Variants in ERBB4 observed in about 807,000 individuals in gnomAD.
ERBB4 encodes the protein erb-b2 receptor tyrosine kinase 4, also known as receptor tyrosine-protein kinase erbB-4.
In ERBB4, 42 loss-of-function variants were observed where a neutral mutation model predicts 158.0. The observed-to-expected ratio is 0.27, with a 90% CI of 0.21 to 0.34. The LOEUF (loss-of-function observed/expected upper bound fraction) is 0.34. ERBB4 is among the 10% of genes least tolerant of loss of function. The pLI, the probability that ERBB4 is intolerant of heterozygous loss-of-function variation, is 1.00. For missense variants in ERBB4, 1,333 were observed against 1,624.1 expected (o/e 0.82, Z 3.08); for synonymous variants, 583 against 558.7 (o/e 1.04, Z -0.61).
At chr2:212,450,462 T>A (rs2092428982) in intron 1 of ERBB4, among the ~76,000 whole-genome samples, 1 of 151,962 alleles carries the variant, frequency 6.6e-6, no homozygotes, top group African/African-American at 2.4e-5. Flanking sequence ...ACTGGAGTGA[T>A]GAGATTGCTG....
At chr2:211,519,783 T>G (rs1007244381) in intron 20 of ERBB4, among the ~76,000 whole-genome samples, 26 of 152,162 alleles carry the variant, frequency 1.7e-4, no homozygotes, top group African/African-American at 6.3e-4. Flanking sequence ...CCACTGTAAA[T>G]ATTTTTATAT....
intron 20 of ERBB4, among the ~76,000 whole-genome samples, chr2:211,488,453 G>A (rs1185151152): frequency 1.3e-5 from 2 of 152,004 alleles, no homozygotes; most frequent in Non-Finnish European, 2.9e-5. Context: ...AAGAATATCT[G>A]GCAGTGGAAA....
At chr2:211,478,787 T>C (rs1392990912) in intron 20 of ERBB4, among the ~76,000 whole-genome samples, 1 of 152,154 alleles carries the variant, frequency 6.6e-6, no homozygotes, top group African/African-American at 2.4e-5. Flanking sequence ...ATTATGTTAC[T>C]ATTTCTCAGA....
chr2:212,250,668 A>G (rs1163288714), intron 1 of ERBB4, among the ~76,000 whole-genome samples: 1 of 151,920 alleles, frequency 6.6e-6, no homozygotes, highest in African/African-American at 2.4e-5. Flanking sequence ...TTATTCTTCC[A>G]TGTTAGACAA....
intron 2 of ERBB4, among the ~76,000 whole-genome samples, chr2:211,997,908 A>ACACACAC (rs1559280420): frequency 2.5e-5 from 1 of 39,962 alleles, no homozygotes; most frequent in Non-Finnish European, 1.3e-4. Context: ...ACACACACAC[A>ACACACAC]TCACACACAC....
intron 2 of ERBB4, among the ~76,000 whole-genome samples, chr2:212,026,947 A>G (rs1039065340): frequency 6.6e-6 from 1 of 151,946 alleles, no homozygotes; most frequent in African/African-American, 2.4e-5. Flanking sequence ...ATAACATACT[A>G]TTTAATAATG....
intron 1 of ERBB4, among the ~76,000 whole-genome samples, chr2:212,315,492 T>C (rs1001277415): frequency 6.6e-6 from 1 of 151,462 alleles, no homozygotes; most frequent in East Asian, 2.0e-4. Context: ...AAAACAGGTA[T>C]ATAGCAACAA....
chr2:212,385,558 C>T (rs1457513565), intron 1 of ERBB4, among the ~76,000 whole-genome samples: 2 of 151,790 alleles, frequency 1.3e-5, no homozygotes, highest in African/African-American at 4.8e-5. Context: ...AGTTTATTTT[C>T]AAAATCAAGT....
chr2:212,001,183 T>C (rs757629984), intron 2 of ERBB4, among the ~76,000 whole-genome samples: 8 of 152,136 alleles, frequency 5.3e-5, no homozygotes, highest in Non-Finnish European at 1.2e-4. Flanking sequence ...ATTAGCATGT[T>C]TCCTTCAGCA....
intron 1 of ERBB4, among the ~76,000 whole-genome samples, chr2:212,249,150 A>G (rs1049275448): frequency 1.3e-5 from 2 of 152,228 alleles, no homozygotes; most frequent in African/African-American, 4.8e-5. Flanking sequence ...GCGATGAAGC[A>G]TAGTAATTAG....
intron 1 of ERBB4, among the ~76,000 whole-genome samples, chr2:212,233,613 A>G (rs959766285): frequency 6.6e-6 from 1 of 152,176 alleles, no homozygotes; most frequent in Admixed American, 6.6e-5. Context: ...ATTTACTTTT[A>G]TTAAACACTC....
Position 211,446,287 on chromosome 2 carries a change from G to A in ERBB4, c.2488-15187C>T, listed in dbSNP as rs552464311. ...AATATAAGATAAAAACCATAACTTTGTAATTGCATCACCTGGCTGGAGTAT... is the reference window on the plus strand; with the variant it reads ...AATATAAGATAAAAACCATAACTTTATAATTGCATCACCTGGCTGGAGTAT... On this transcript the variant is annotated intron_variant, in intron 20 of 27. Coordinates refer to ENST00000342788, the MANE Select transcript of ERBB4 (RefSeq NM_005235.3). Among the ~76,000 whole-genome samples the A allele has an allele frequency of 7.9e-5, 12 of 152,282 alleles. No individual in the cohort carries two copies. In the South Asian group the frequency reaches 2.5e-3, roughly 32 times the overall value.
chr2:212,190,707 G>A lies in ERBB4; in HGVS notation c.83-65804C>T, dbSNP rs779923611. On this transcript the variant is annotated intron_variant, in intron 1 of 27. Coordinates refer to ENST00000342788, the MANE Select transcript of ERBB4 (RefSeq NM_005235.3). The stretch of plus-strand genomic sequence containing the variant: ...ATTCAAACACATAGACCTGAGAGAA[G>A]AAACCCTGTTAATCTATTTCACATC... Among the ~76,000 whole-genome samples the A allele has an allele frequency of 1.6e-4, 25 of 152,098 alleles. 1 individual carries two copies. Among genetic ancestry groups the A allele is most frequent in the Admixed American group, 3.9e-4 (6 of 15,266 alleles).
chr2:211,539,152 T>G (rs948408655), intron 20 of ERBB4, among the ~76,000 whole-genome samples: 1 of 151,950 alleles, frequency 6.6e-6, no homozygotes, highest in Non-Finnish European at 1.5e-5. Context: ...ATAACTTCTA[T>G]CTTCATTCAT....
chr2:211,820,996 G>T (rs1374195892), intron 3 of ERBB4, among the ~76,000 whole-genome samples: 1 of 151,710 alleles, frequency 6.6e-6, no homozygotes, highest in African/African-American at 2.4e-5. Context: ...ATAAAACAAG[G>T]ATGCCCAATA....
At chr2:212,379,823 GTGTGTGTGTC>G (rs953963575) in intron 1 of ERBB4, among the ~76,000 whole-genome samples, 8 of 151,202 alleles carry the variant, frequency 5.3e-5, no homozygotes, top group Non-Finnish European at 1.0e-4. Flanking sequence ...GTGTGTATGT[GTGTGTGTGTC>G]TGTGTGTGTG....
chr2:211,808,753 T>A (rs568666581), intron 3 of ERBB4, among the ~76,000 whole-genome samples: 1 of 152,196 alleles, frequency 6.6e-6, no homozygotes, highest in South Asian at 2.1e-4. Context: ...ATTCTTCCTA[T>A]CCATGAGCAT....
chr2:211,495,173 G>C (rs759112501), intron 20 of ERBB4, among the ~76,000 whole-genome samples: 1 of 151,966 alleles, frequency 6.6e-6, no homozygotes, highest in African/African-American at 2.4e-5. Flanking sequence ...GAAGAGCTAT[G>C]AAATCTGTTC....
chr2:211,385,111 G>A (rs10048757), intron 27 of ERBB4, among the ~76,000 whole-genome samples: 100,432 of 151,954 alleles, frequency 0.66, 33,339 homozygotes, highest in South Asian at 0.77. Context: ...CAAACTTTCT[G>A]TCTTTTATCC....
Sources: gnomAD v4.1 joint callset for allele counts (sites outside exome capture counted in the v4.1 genomes callset) on GRCh38, gnomAD v4.1.1 for gene constraint, MANE v1.5 for transcripts, NCBI Gene and HGNC (gene_info 2026-07-23, HGNC 2026-07-21) for gene names.